The following LARGE1 variants were observed in gnomAD, a reference collection of about 807,000 sequenced individuals.
LARGE1 encodes LARGE xylosyl- and glucuronyltransferase 1.
A neutral mutation model predicts 87.6 loss-of-function variants in LARGE1; 43 were observed. That is an observed-to-expected ratio of 0.49 (90% CI 0.38 to 0.63). The LOEUF is 0.63. LARGE1 is among the 30% of genes least tolerant of loss of function. The pLI, the probability that LARGE1 is intolerant of heterozygous loss-of-function variation, is 0.00. For missense variants in LARGE1, 802 were observed against 1,000.2 expected, an observed-to-expected ratio of 0.80 and a Z score of 2.67; for synonymous variants, 434 against 394.6, an observed-to-expected ratio of 1.10 and a Z score of -1.18.
At chr22:33,077,705 T>G in the LARGE1 span, among the ~76,000 whole-genome samples, 1 of 152,216 alleles carries the variant, frequency 6.6e-6, no homozygotes, top group Non-Finnish European at 1.5e-5. Context: ...TATGCATATT[T>G]TACCTGATCA....
intron 6 of LARGE1, among the ~76,000 whole-genome samples, chr22:33,438,704 G>A (rs566894195): frequency 1.6e-4 from 24 of 152,294 alleles, no homozygotes; most frequent in Admixed American, 9.2e-4. Context: ...GCATGAAAAG[G>A]CTGAGCTGAG....
chr22:33,763,038 G>T (rs190053806), intron 1 of LARGE1, among the ~76,000 whole-genome samples: 1 of 152,084 alleles, frequency 6.6e-6, no homozygotes, highest in African/African-American at 2.4e-5. Flanking sequence ...CCCTTATACC[G>T]CCATGAAGGT....
intron 9 of LARGE1, among the ~76,000 whole-genome samples, chr22:33,346,712 TC>T (rs1939808871): frequency 1.3e-5 from 2 of 152,038 alleles, no homozygotes; most frequent in Admixed American, 1.3e-4. Context: ...CTTGTGTGTC[TC>T]CCCCTCCACC....
intron 6 of LARGE1, among the ~76,000 whole-genome samples, chr22:33,491,796 CAAAAT>C (rs2069854022): frequency 6.6e-6 from 1 of 152,046 alleles, no homozygotes; most frequent in Non-Finnish European, 1.5e-5. Context: ...ATAGTTGAAA[CAAAAT>C]AAAACTGTCA....
intron 9 of LARGE1, among the ~76,000 whole-genome samples, chr22:33,357,829 G>C (rs1941040459): frequency 6.6e-6 from 1 of 152,132 alleles, no homozygotes; most frequent in Non-Finnish European, 1.5e-5. Context: ...AAGAATAATA[G>C]GTTTACTACA....
chr22:33,308,798 T>TCA lies in LARGE1; in HGVS notation c.1452-4293_1452-4292dup, dbSNP rs1473967244. Among the ~76,000 whole-genome samples the TCA allele has an allele frequency of 9.2e-5, 14 of 152,188 alleles. No individual in the cohort carries two copies. The East Asian group carries it at 2.7e-3, about 29-fold the overall frequency. ...ACTGCCAATCCAAAGAATCACAAGC[T>TCA]CATTCCAGTTCTTGTACTAAGCTGC... On this transcript the variant is annotated intron_variant, in intron 11 of 14. Transcript: ENST00000397394.
intron 11 of LARGE1, among the ~76,000 whole-genome samples, chr22:33,230,471 G>A (rs1050053018): frequency 6.6e-6 from 1 of 152,062 alleles, no homozygotes; most frequent in African/African-American, 2.4e-5. Flanking sequence ...GAAGGACCCT[G>A]AAAATCAGAG....
chr22:33,172,200 C>T (rs545072022), intron 11 of LARGE1, among the ~76,000 whole-genome samples: 1 of 152,362 alleles, frequency 6.6e-6, no homozygotes, highest in Non-Finnish European at 1.5e-5. Context: ...TTACCAATGC[C>T]TGTACCCCCA....
Position 33,385,065 on chromosome 22 carries a change from T to A in LARGE1, c.893-761A>T, listed in dbSNP as rs1433974503. Among the ~76,000 whole-genome samples, 6 of 148,632 alleles carry A rather than the reference T, an allele frequency of 4.0e-5. 1 individual carries two copies. On this transcript the variant is annotated intron_variant, in intron 7 of 14. Coordinates refer to ENST00000397394, the MANE Select transcript of LARGE1 (RefSeq NM_133642.5). ...GAGGGTCTTTTTGGCCCATCCACGCTGGGTCTTTAAGGTGAGCTCCAGAAG... is the reference window on the plus strand; with the variant it reads ...GAGGGTCTTTTTGGCCCATCCACGCAGGGTCTTTAAGGTGAGCTCCAGAAG...
intron 12 of LARGE1, among the ~76,000 whole-genome samples, chr22:33,302,293 C>A (rs1185661297): frequency 6.6e-6 from 1 of 152,194 alleles, no homozygotes; most frequent in Non-Finnish European, 1.5e-5. Context: ...TTTCTGCAGC[C>A]TGGTGGGTCA....
At chr22:33,405,242 TTC>T (rs2066056589) in intron 7 of LARGE1, among the ~76,000 whole-genome samples, 1 of 152,304 alleles carries the variant, frequency 6.6e-6, no homozygotes, top group Non-Finnish European at 1.5e-5. Context: ...AAAATGCAAA[TTC>T]TGTGTCATTG....
intron 1 of LARGE1, among the ~76,000 whole-genome samples, chr22:33,860,739 G>A (rs550396236): frequency 6.6e-5 from 10 of 152,256 alleles, no homozygotes; most frequent in Non-Finnish European, 8.8e-5. Context: ...CAAAGCGGGG[G>A]CAAGACCAAC....
intron 2 of LARGE1, among the ~76,000 whole-genome samples, chr22:33,702,465 T>C (rs893075397): frequency 6.6e-6 from 1 of 152,204 alleles, no homozygotes; most frequent in Non-Finnish European, 1.5e-5. Context: ...TAAATGTTAA[T>C]AGGAAATTGT....
chr22:33,778,641 A>G (rs571490482), intron 1 of LARGE1, among the ~76,000 whole-genome samples: 176 of 151,132 alleles, frequency 1.2e-3, no homozygotes, highest in African/African-American at 4.1e-3. Context: ...GTTGCAGCAC[A>G]TGTCAGCGCA....
At chr22:33,623,757 G>T (rs908563914) in intron 4 of LARGE1, among the ~76,000 whole-genome samples, 4 of 151,922 alleles carry the variant, frequency 2.6e-5, no homozygotes, top group African/African-American at 9.7e-5. Flanking sequence ...ATGGCTGGGG[G>T]CGGTGGCTCA....
intron 6 of LARGE1, among the ~76,000 whole-genome samples, chr22:33,495,996 A>G (rs2070097925): frequency 6.6e-6 from 1 of 152,180 alleles, no homozygotes; most frequent in Non-Finnish European, 1.5e-5. Context: ...GTTATTAAGG[A>G]GTACTGACTC....
chr22:33,808,406 C>G (rs977748294), intron 1 of LARGE1, among the ~76,000 whole-genome samples: 9 of 152,170 alleles, frequency 5.9e-5, no homozygotes, highest in Non-Finnish European at 1.5e-5. Context: ...AAAGATGAAG[C>G]CTTGCCAGAG....
At chr22:33,833,506 G>C (rs1466655796) in intron 1 of LARGE1, among the ~76,000 whole-genome samples, 4 of 152,112 alleles carry the variant, frequency 2.6e-5, no homozygotes, top group Non-Finnish European at 5.9e-5. Context: ...GAGAGGCCCT[G>C]GAAGAAGCCA....
At chr22:33,514,748 C>T (rs562805138) in intron 6 of LARGE1, among the ~76,000 whole-genome samples, 2 of 152,258 alleles carry the variant, frequency 1.3e-5, no homozygotes, top group South Asian at 4.2e-4. Flanking sequence ...GGCTAGTCTA[C>T]ACGTGGAGGA....
Sources: gnomAD v4.1 joint callset for allele counts (sites outside exome capture counted in the v4.1 genomes callset) on GRCh38, gnomAD v4.1.1 for gene constraint, MANE v1.5 for transcripts, NCBI Gene and HGNC (gene_info 2026-07-23, HGNC 2026-07-21) for gene names.